The following ZFHX3 variants were observed in gnomAD, a reference collection of about 807,000 sequenced individuals.
The protein encoded by ZFHX3 is zinc finger homeobox 3.
ZFHX3 carries 42 observed loss-of-function variants against 279.1 expected under a neutral mutation model. That is an observed-to-expected ratio of 0.15 (90% confidence interval 0.12 to 0.19). The LOEUF (loss-of-function observed/expected upper bound fraction) is 0.19. ZFHX3 is among the 10% of genes least tolerant of loss of function. The pLI, the probability that ZFHX3 is intolerant of heterozygous loss-of-function variation, is 1.00. For missense variants in ZFHX3, 4,981 were observed against 4,754.0 expected, an observed-to-expected ratio of 1.05 and a Z score of -1.40; for synonymous variants, 2,293 against 1,957.8, an observed-to-expected ratio of 1.17 and a Z score of -4.52.
intron 3 of ZFHX3, among the ~76,000 whole-genome samples, chr16:73,341,774 C>T (rs2016037969): frequency 6.6e-6 from 1 of 152,126 alleles, no homozygotes; most frequent in South Asian, 2.1e-4. Flanking sequence ...GAATGGAGTA[C>T]TGATATATAC....
chr16:73,142,937 C>G (rs1259254679), intron 6 of ZFHX3, among the ~76,000 whole-genome samples: 1 of 152,152 alleles, frequency 6.6e-6, no homozygotes, highest in Non-Finnish European at 1.5e-5. Context: ...CAAAGCTGCT[C>G]CTAATCCCCA....
chr16:72,943,564 T>A (rs1960516789), intron 3 of ZFHX3, among the ~76,000 whole-genome samples: 1 of 152,018 alleles, frequency 6.6e-6, no homozygotes, highest in African/African-American at 2.4e-5. Flanking sequence ...AAAAACTGCA[T>A]GACAAAAAAT....
chr16:72,855,020 T>C (rs2037720737), intron 4 of ZFHX3, among the ~76,000 whole-genome samples: 1 of 151,216 alleles, frequency 6.6e-6, no homozygotes. Flanking sequence ...AATGGGGAGA[T>C]AGCAAAATAC....
chr16:72,959,163 C>T lies in ZFHX3; in HGVS notation c.983G>A (p.Gly328Glu), dbSNP rs944732248. Reference sequence around the variant, plus strand: ...AAGGGGTTCCTTGTCTTTGCCGATCCCTTGGATGATAGCGGAGATGTTCTT... The same window carrying T: ...AAGGGGTTCCTTGTCTTTGCCGATCTCTTGGATGATAGCGGAGATGTTCTT... ...SNKNISAIIQ[G>E]IGKDKEPLVS... Residue 328 changes from glycine to glutamate, a missense_variant, in exon 2 of 10, where the codon GGG becomes GAG. This residue lies in a region of ZFHX3 where 1,068 missense variants were observed against 935.2 expected (regional missense o/e 1.14). Coordinates refer to ENST00000268489, the MANE Select transcript of ZFHX3 (RefSeq NM_006885.4). The T allele has an allele frequency of 5.6e-6, 9 of 1,614,072 alleles. No individual in the cohort carries two copies. Among genetic ancestry groups the T allele is most frequent in the Non-Finnish European group, 6.8e-6 (8 of 1,180,062 alleles).
intron 3 of ZFHX3, among the ~76,000 whole-genome samples, chr16:73,452,856 A>G (rs1338993900): frequency 6.6e-6 from 1 of 152,248 alleles, no homozygotes; most frequent in African/African-American, 2.4e-5. Context: ...TACCATTTCT[A>G]TTAACGCACC....
intron 5 of ZFHX3, among the ~76,000 whole-genome samples, chr16:72,818,624 T>C (rs772212960): frequency 6.6e-6 from 1 of 152,174 alleles, no homozygotes; most frequent in African/African-American, 2.4e-5. Context: ...GTGAAGCAGA[T>C]GCACGCACAT....
chr16:72,870,377 G>A (rs1567556358), intron 4 of ZFHX3, among the ~76,000 whole-genome samples: 1 of 150,724 alleles, frequency 6.6e-6, no homozygotes, highest in Non-Finnish European at 1.5e-5. Context: ...GGGTGACAGA[G>A]CTACAGAGCT....
Position 72,794,361 on chromosome 16 carries a change from G to T in ZFHX3, c.8321C>A (p.Pro2774His), listed in dbSNP as rs775227750. ...ACCCTGACCATCACTACTGCTTGGG[G>T]GTAGGTGGGAAAAGCTAGTTCCGTC... The part of the protein sequence containing the change: ...IFDGTSFSHL[P>H]PSSSDGQGVP... Residue 2774 changes from proline (P) to histidine (H), a missense_variant, in exon 9 of 10, where the codon CCC (proline) becomes CAC (histidine). Pro to His is a moderately conservative substitution (Grantham distance 77, BLOSUM62 -2). Transcript: ENST00000268489. The surrounding 1 kb of genome is among the most constrained non-coding windows in gnomAD (Gnocchi z 4.2). 2.5e-6 allele frequency: 4 copies of T among 1,602,672 alleles called. No individual in the cohort carries two copies. The highest frequency in any genetic ancestry group is 1.7e-5 in the Admixed American group (1 of 59,266).
chr16:73,535,722 C>CT (rs56867952), intron 2 of ZFHX3, among the ~76,000 whole-genome samples: 89,715 of 138,924 alleles, frequency 0.65, 29,080 homozygotes, highest in East Asian at 0.76. Flanking sequence ...TGCCCCCTAT[C>CT]TTTTTTTTTT....
intron 1 of ZFHX3, among the ~76,000 whole-genome samples, chr16:73,851,793 G>A (rs1010121610): frequency 6.6e-6 from 1 of 152,064 alleles, no homozygotes. Flanking sequence ...AAAATATTGA[G>A]GCATTAGGAT....
chr16:73,442,461 G>A (rs2018111264), intron 3 of ZFHX3, among the ~76,000 whole-genome samples: 1 of 150,956 alleles, frequency 6.6e-6, no homozygotes, highest in Non-Finnish European at 1.5e-5. Context: ...TAGGCTCAAG[G>A]AATCTTTTTT....
chr16:73,611,134 G>A (rs1298935260), intron 2 of ZFHX3, among the ~76,000 whole-genome samples: 1 of 152,188 alleles, frequency 6.6e-6, no homozygotes, highest in African/African-American at 2.4e-5. Context: ...GGAAGAAAGA[G>A]GGTTAGAAAA....
chr16:72,859,690 G>A (rs907307192), intron 4 of ZFHX3, among the ~76,000 whole-genome samples: 8 of 152,188 alleles, frequency 5.3e-5, no homozygotes, highest in South Asian at 2.1e-4. Flanking sequence ...GCGCAGAAAC[G>A]AGCTTTACTG....
Position 72,797,429 on chromosome 16 carries a change from TTGAGCC to T in ZFHX3, c.5247_5252del (p.Ala1750_Gln1751del). 6.2e-7 allele frequency: 1 copy of T among 1,613,194 alleles called. No individual in the cohort carries two copies. The highest frequency in any genetic ancestry group is 1.1e-5 in the South Asian group (1 of 90,670). ...GCTCCTGCTGCAGGTGAGCTTGAAC[TTGAGCC>T]TGGGCCTGGGCCAGCGTTTGTGCTT... On this transcript the variant is annotated inframe_deletion, in exon 9 of 10. Transcript: ENST00000268489.
rs542169277 is a variant in ZFHX3 at position 73,031,972 on chromosome 16, G to A, written c.-50+15780C>T. On this transcript the variant is annotated intron_variant, in intron 1 of 9. Coordinates refer to ENST00000268489, the MANE Select transcript of ZFHX3 (RefSeq NM_006885.4). Reference sequence around the variant, plus strand: ...GCCTGGCATTGCCTCAAAACTTTATGAGCTCCTGAGAGCCCCTAAAGAAAA... The same window carrying A: ...GCCTGGCATTGCCTCAAAACTTTATAAGCTCCTGAGAGCCCCTAAAGAAAA... 1.1e-4 allele frequency among the ~76,000 whole-genome samples: 16 copies of A among 151,936 alleles called. No individual in the cohort carries two copies. The South Asian group carries it at 2.7e-3, about 26-fold the overall frequency.
At position 73,127,315 on chromosome 16, in the gene ZFHX3, T is replaced by C. The variant is rs1347294940; in HGVS notation, c.-897+3653A>G. On this transcript the variant is annotated intron_variant, in intron 7 of 17. Transcript: ENST00000641206. ...GAGAAGAGGGAAGAAGGAAACAGCCTTCGCTGGTGGCAGCCGTACAGAGGA... is the reference window on the plus strand; with the variant it reads ...GAGAAGAGGGAAGAAGGAAACAGCCCTCGCTGGTGGCAGCCGTACAGAGGA... 3 of 1,289,994 alleles carry C rather than the reference T, an allele frequency of 2.3e-6. No individual in the cohort carries two copies. In the East Asian group the frequency reaches 1.7e-4, roughly 72 times the overall value. The allele number at this position is 1,289,994 out of a possible 1,614,324, so 79.9% of individuals were successfully genotyped here.
intron 5 of ZFHX3, among the ~76,000 whole-genome samples, chr16:73,156,722 ATT>A (rs34204659): frequency 1.4e-4 from 21 of 148,238 alleles, no homozygotes; most frequent in African/African-American, 3.7e-4. Context: ...TGTCTGGCTA[ATT>A]TTTTTTTTTT....
intron 1 of ZFHX3, among the ~76,000 whole-genome samples, chr16:73,777,308 C>A (rs939265584): frequency 1.3e-5 from 2 of 151,866 alleles, no homozygotes; most frequent in African/African-American, 4.8e-5. Flanking sequence ...TCAAGACCAG[C>A]CCAGCTAATA....
intron 3 of ZFHX3, among the ~76,000 whole-genome samples, chr16:72,914,856 T>C (rs1029749066): frequency 1.3e-5 from 2 of 152,024 alleles, no homozygotes; most frequent in African/African-American, 4.8e-5. Flanking sequence ...TTGGGTGTGA[T>C]GGTGTGCGCC....
Sources: gnomAD v4.1 joint callset for allele counts (sites outside exome capture counted in the v4.1 genomes callset) on GRCh38, gnomAD v4.1.1 for gene constraint, gnomAD v4.1.1 regional missense constraint, Gnocchi (gnomAD v3.1) non-coding constraint, MANE v1.5 for transcripts, NCBI Gene and HGNC (gene_info 2026-07-23, HGNC 2026-07-21) for gene names.